Variants in CTSZ observed in about 807,000 individuals in gnomAD.
CTSZ encodes the protein cathepsin Z, also known as carboxypeptidase LB.
In CTSZ, 39 loss-of-function variants were observed where a neutral mutation model predicts 32.4. The observed-to-expected ratio is 1.20, with a 90% confidence interval of 0.93 to 1.57. The LOEUF is 1.57. Among genes scored for constraint, CTSZ ranks in the 40% most tolerant of loss-of-function variants. The pLI is 0.00. For missense variants in CTSZ, 397 were observed against 419.6 expected, an observed-to-expected ratio of 0.95 and a Z score of 0.47; for synonymous variants, 168 against 170.1, an observed-to-expected ratio of 0.99 and a Z score of 0.10.
At chr20:58,998,556 G>A (rs343831) in intron 3 of CTSZ, among the ~76,000 whole-genome samples, 62,132 of 112,352 alleles carry the variant, frequency 0.55, 13,855 homozygotes, top group East Asian at 0.66. Context: ...CAAAAAAAAA[G>A]AAAGAAAGAA....
At chr20:59,001,364 T>C (rs1471912894) in intron 3 of CTSZ, 101 bp downstream of exon 3, 30 of 1,338,358 alleles carry the variant, frequency 2.2e-5, no homozygotes, top group Non-Finnish European at 2.9e-5. Flanking sequence ...CACCAGCCAA[T>C]GTGAGGAGCA....
In CTSZ at chr20:59,004,043, C is replaced by A. The variant is rs1259741443; in HGVS notation, c.307+2279G>T. The stretch of plus-strand genomic sequence containing the variant: ...TTCTGCATCTGCTTCGAAGGTAGAA[C>A]CGACAAGACTTGTGGGTGGATTATA... On this transcript the variant is annotated intron_variant, in intron 2 of 5. Transcript: ENST00000217131. This position sits in a 1 kb window ranked among gnomAD's most constrained non-coding sequence, Gnocchi z 5.6. 1.3e-5 allele frequency among the ~76,000 whole-genome samples: 2 copies of A among 152,128 alleles called. No homozygotes were observed. The highest frequency in any genetic ancestry group is 3.2e-3 in the Middle Eastern group (1 of 316).
chr20:58,995,401 C>T lies in CTSZ; in HGVS notation c.*248G>A, dbSNP rs10369. 0.29 allele frequency: 125,931 copies of T among 430,346 alleles called. 19,650 individuals carry two copies. The highest frequency in any genetic ancestry group is 0.32 in the Non-Finnish European group (77,077 of 242,564). The allele number at this position is 430,346 out of a possible 1,614,324, so 26.7% of individuals were successfully genotyped here. ...ACTGAGGTCCCATCGTTTCCTGTGT[C>T]GCAGGTCACTTCTTCACCAGGTGGC... is the stretch of plus-strand genomic sequence containing the variant. On this transcript the variant is annotated 3_prime_UTR_variant, in exon 6 of 6. Coordinates refer to ENST00000217131, the MANE Select transcript of CTSZ (RefSeq NM_001336.4).
intron 3 of CTSZ, among the ~76,000 whole-genome samples, chr20:58,998,984 T>C (rs571862727): frequency 6.6e-6 from 1 of 152,356 alleles, no homozygotes; most frequent in South Asian, 2.1e-4. Context: ...GCCACACTTT[T>C]GCTAACACTA....
Position 58,996,810 on chromosome 20 carries a change from A to C in CTSZ, c.639-9T>G. The stretch of plus-strand genomic sequence containing the variant: ...TTGCCATTATTCCACAGCTGAGAGC[A>C]AGCAGTTAAAGAATTACCACTTTTA... On this transcript the variant is annotated splice_polypyrimidine_tract_variant and intron_variant, in intron 4 of 5. Coordinates refer to ENST00000217131, the MANE Select transcript of CTSZ (RefSeq NM_001336.4). The C allele has an allele frequency of 1.2e-6, 2 of 1,612,894 alleles. No homozygotes were observed. Among genetic ancestry groups the C allele is most frequent in the Non-Finnish European group, 1.7e-6 (2 of 1,179,358 alleles).
intron 3 of CTSZ, among the ~76,000 whole-genome samples, chr20:58,998,459 T>G (rs1255889547): frequency 6.6e-6 from 1 of 150,998 alleles, no homozygotes; most frequent in Non-Finnish European, 1.5e-5. Context: ...GGCAGGAGAA[T>G]CGCTTGAACC....
At chr20:59,001,398 C>T in intron 3 of CTSZ, 67 bp downstream of exon 3, 1 of 1,513,418 alleles carries the variant, frequency 6.6e-7, no homozygotes, top group South Asian at 1.3e-5. Flanking sequence ...GGTCCTCAGC[C>T]ACGAAGGCCT....
chr20:59,005,994 A>G, intron 2 of CTSZ: 1 of 353,558 alleles, frequency 2.8e-6, no homozygotes, highest in East Asian at 5.2e-5. Flanking sequence ...GTATCCTCAA[A>G]TACAGCCTGG....
intron 5 of CTSZ, among the ~76,000 whole-genome samples, chr20:58,996,386 G>C (rs74464237): frequency 1.3e-5 from 2 of 152,138 alleles, no homozygotes; most frequent in Non-Finnish European, 1.5e-5. Context: ...CTGGGATTGC[G>C]GGGAGTCACC....
At chr20:59,003,016 G>A (rs1448753502) in intron 2 of CTSZ, among the ~76,000 whole-genome samples, 1 of 152,050 alleles carries the variant, frequency 6.6e-6, no homozygotes, top group Non-Finnish European at 1.5e-5. Context: ...GACCCCTACT[G>A]CCCCGCTCCT....
chr20:59,001,058 A>G (rs1184517539), intron 3 of CTSZ, among the ~76,000 whole-genome samples: 1 of 151,690 alleles, frequency 6.6e-6, no homozygotes, highest in Non-Finnish European at 1.5e-5. Flanking sequence ...TGAACTCCTG[A>G]CCTCCAGTGA....
intron 3 of CTSZ, among the ~76,000 whole-genome samples, chr20:59,001,118 C>CAT (rs2091886972): frequency 6.6e-6 from 1 of 152,134 alleles, no homozygotes; most frequent in Non-Finnish European, 1.5e-5. Context: ...CATGAGCCAC[C>CAT]GCGCGCATGG....
At chr20:59,006,219 C>T in intron 2 of CTSZ, 103 bp downstream of exon 2, 4 of 1,426,056 alleles carry the variant, frequency 2.8e-6, no homozygotes, top group Non-Finnish European at 3.7e-6. Flanking sequence ...CTGACCTGGC[C>T]TTGAATCACA....
chr20:59,006,282 A>T, intron 2 of CTSZ, 40 bp downstream of exon 2: 11 of 1,551,166 alleles, frequency 7.1e-6, no homozygotes, highest in Non-Finnish European at 9.6e-6. Context: ...GGCAGCCGGG[A>T]TGGGCTTTCC....
At chr20:58,997,580 T>A (rs762789403) in intron 4 of CTSZ, 23 bp downstream of exon 4, 1 of 1,522,714 alleles carries the variant, frequency 6.6e-7, no homozygotes, top group Non-Finnish European at 8.9e-7. Flanking sequence ...AAACCTCTCT[T>A]TGCCCGCGGG....
chr20:58,998,704 A>T (rs967155401), intron 3 of CTSZ, among the ~76,000 whole-genome samples: 1 of 152,166 alleles, frequency 6.6e-6, no homozygotes, highest in East Asian at 1.9e-4. Context: ...CAGAAAAAAA[A>T]TTTTATAAAT....
At chr20:58,998,769 T>C (rs1244819626) in intron 3 of CTSZ, among the ~76,000 whole-genome samples, 4 of 152,208 alleles carry the variant, frequency 2.6e-5, no homozygotes, top group Non-Finnish European at 2.9e-5. Flanking sequence ...TCAGAGTCAC[T>C]GTGTTCCCAC....
intron 5 of CTSZ, among the ~76,000 whole-genome samples, chr20:58,996,036 C>T (rs762074033): frequency 9.0e-4 from 137 of 152,336 alleles, no homozygotes; most frequent in Middle Eastern, 3.4e-3. Context: ...GGTGCCTCCT[C>T]CAGCTACTAC....
At chr20:59,003,057 C>A (rs1224900122) in intron 2 of CTSZ, among the ~76,000 whole-genome samples, 2 of 152,218 alleles carry the variant, frequency 1.3e-5, no homozygotes, top group Non-Finnish European at 2.9e-5. Flanking sequence ...CTAAAGGTCA[C>A]TTCTCCACTG....
Sources: allele counts gnomAD v4.1 joint callset (sites outside exome capture counted in the v4.1 genomes callset), GRCh38; gene constraint gnomAD v4.1.1; non-coding constraint Gnocchi (gnomAD v3.1); transcripts MANE v1.5; gene names NCBI Gene and HGNC (gene_info 2026-07-23, HGNC 2026-07-21).